Variants in ABCC12 observed in about 807,000 individuals in gnomAD.
ABCC12 encodes ATP binding cassette subfamily C member 12, also known as ATP-binding cassette sub-family C member 12.
Under a neutral mutation model 151.1 loss-of-function variants are expected in ABCC12, and 142 were observed. That is an observed-to-expected ratio of 0.94 (90% CI 0.82 to 1.08). ABCC12 has a LOEUF of 1.08. Among genes scored for constraint, ABCC12 ranks in the 50% least tolerant of loss-of-function variants. ABCC12 has a pLI of 0.00. For missense variants in ABCC12, 1,638 were observed against 1,691.1 expected (o/e 0.97, Z 0.55); for synonymous variants, 645 against 646.4 (o/e 1.00, Z 0.03).
intron 24 of ABCC12, among the ~76,000 whole-genome samples, chr16:48,095,683 T>G (rs1963071331): frequency 6.6e-6 from 1 of 151,000 alleles, no homozygotes; most frequent in Admixed American, 6.6e-5. Context: ...AAATTCAATA[T>G]TCAACTGACA....
chr16:48,151,486 T>C (rs867972957), intron 2 of ABCC12, among the ~76,000 whole-genome samples: 5 of 152,266 alleles, frequency 3.3e-5, no homozygotes, highest in Middle Eastern at 3.4e-3. Context: ...GGAAATCTAG[T>C]AAAGTATAAA....
At position 48,139,198 on chromosome 16, in the gene ABCC12, C is replaced by T. The variant is rs113496237; in HGVS notation, c.796G>A (p.Gly266Arg). 12 of 1,612,854 alleles carry T rather than the reference C, an allele frequency of 7.4e-6. No individual in the cohort carries two copies. The highest frequency in any genetic ancestry group is 5.3e-5 in the African/African-American group (4 of 74,792). ...ATGAATATGACATACACTGATATCC[C>T]GATGAGAGCTGTGGGCCCCAGAATG... The part of the protein sequence containing the change: ...FFILGPTALI[G>R]ISVYVIFIPV... The change falls in exon 7 of 31, where the codon GGG (glycine) becomes AGG (arginine). Residue 266 changes from glycine to arginine, a missense_variant. Gly to Arg is a moderately radical substitution (Grantham distance 125, BLOSUM62 -2). Coordinates refer to ENST00000311303, the MANE Select transcript of ABCC12 (RefSeq NM_001393797.1).
At chr16:48,120,570 T>G (rs1168285088) in intron 13 of ABCC12, among the ~76,000 whole-genome samples, 2 of 151,924 alleles carry the variant, frequency 1.3e-5, no homozygotes, top group African/African-American at 4.8e-5. Flanking sequence ...TTTTTTTTTT[T>G]TTTGAGAAGG....
chr16:48,127,727 A>G (rs1964286834), intron 11 of ABCC12, among the ~76,000 whole-genome samples: 1 of 152,164 alleles, frequency 6.6e-6, no homozygotes, highest in African/African-American at 2.4e-5. Context: ...CAAAATTATC[A>G]GTCATTATCA....
At chr16:48,126,442 C>G (rs895709617) in intron 11 of ABCC12, among the ~76,000 whole-genome samples, 16 of 152,152 alleles carry the variant, frequency 1.1e-4, no homozygotes, top group Non-Finnish European at 1.5e-5. Flanking sequence ...CATGGAGGAT[C>G]CAGTCTGATG....
rs368257926 is a variant in ABCC12 at position 48,083,926 on chromosome 16, C to T, written c.3976G>A (p.Val1326Ile). 12 of 1,612,612 alleles carry T rather than the reference C, an allele frequency of 7.4e-6. 1 individual carries two copies. The South Asian group carries it at 8.8e-5, about 12-fold the overall frequency. Residue 1326 changes from valine to isoleucine, a missense_variant, in exon 30 of 31, where the codon GTT becomes ATT. Physicochemically the swap from Val to Ile is conservative, Grantham distance 29 (BLOSUM62 3). Transcript: ENST00000311303. ...NTVLNCDHVL[V>I]MENGKVIEFD... ...TCCTATACCTTCCCATTTTCCATAA[C>T]CAGGACGTGATCGCAGTTGAGAACT...
At chr16:48,095,990 T>C (rs1963080386) in intron 24 of ABCC12, among the ~76,000 whole-genome samples, 1 of 152,218 alleles carries the variant, frequency 6.6e-6, no homozygotes, top group Non-Finnish European at 1.5e-5. Context: ...GCTGTTATGA[T>C]CTTGGGACAA....
chr16:48,091,367 T>A (rs1962887311), intron 24 of ABCC12, 158 bp from the exon 25 acceptor site: 8 of 663,248 alleles, frequency 1.2e-5, no homozygotes, highest in South Asian at 1.2e-4. Context: ...CGCCCAGAAG[T>A]AAAGATATTC....
chr16:48,085,674 T>G lies in ABCC12; in HGVS notation c.3747A>C (p.Glu1249Asp). 1 of 1,614,222 alleles carries G rather than the reference T, an allele frequency of 6.2e-7. No homozygotes were observed. Residue 1249 changes from glutamate to aspartate, a missense_variant, in exon 29 of 31, where the codon GAA (glutamate) becomes GAC (aspartate). Glu to Asp is a conservative substitution (Grantham distance 45). Transcript: ENST00000311303. ...IMKLPEKLQA[E>D]VTENGENFSV... Reference sequence around the variant, plus strand: ...AGAAGTTTTCTCCATTTTCTGTGACTTCTGCCTGTAATTTTTCTGGGAGTT... The same window carrying G: ...AGAAGTTTTCTCCATTTTCTGTGACGTCTGCCTGTAATTTTTCTGGGAGTT...
chr16:48,143,194 G>A (rs1170643675), intron 4 of ABCC12, among the ~76,000 whole-genome samples: 1 of 152,154 alleles, frequency 6.6e-6, no homozygotes, highest in Non-Finnish European at 1.5e-5. Flanking sequence ...TGGTCAAGTG[G>A]GGTCTGACCA....
At position 48,139,260 on chromosome 16, in the gene ABCC12, G is replaced by T; in HGVS notation, c.734C>A (p.Pro245Gln). 6.2e-7 allele frequency: 1 copy of T among 1,614,162 alleles called. No homozygotes were observed. Among genetic ancestry groups the T allele is most frequent in the Non-Finnish European group, 8.5e-7 (1 of 1,180,026 alleles). Reference sequence around the variant, plus strand: ...CGCCGCACAAAAGACCATTAGGATCGGGATGGTGGCTGGCAAAGGACAAAA... The same window carrying T: ...CGCCGCACAAAAGACCATTAGGATCTGGATGGTGGCTGGCAAAGGACAAAA... ...ALFCPLPATI[P>Q]ILMVFCAAYA... The change falls in exon 7 of 31, where the codon CCG (proline) becomes CAG (glutamine). Residue 245 changes from proline (P) to glutamine (Q), a missense_variant. Coordinates refer to ENST00000311303, the MANE Select transcript of ABCC12 (RefSeq NM_001393797.1).
At chr16:48,094,535 C>T (rs1437834132) in intron 24 of ABCC12, among the ~76,000 whole-genome samples, 1 of 152,188 alleles carries the variant, frequency 6.6e-6, no homozygotes, top group Non-Finnish European at 1.5e-5. Context: ...TGTATATAGA[C>T]AACCACTCCT....
At chr16:48,134,848 C>G (rs1237017854) in intron 8 of ABCC12, among the ~76,000 whole-genome samples, 1 of 152,062 alleles carries the variant, frequency 6.6e-6, no homozygotes, top group African/African-American at 2.4e-5. Context: ...GTCAGGAGAT[C>G]AAGACCATCC....
chr16:48,113,971 G>A (rs1039693464), intron 15 of ABCC12, among the ~76,000 whole-genome samples: 32 of 152,190 alleles, frequency 2.1e-4, no homozygotes, highest in Non-Finnish European at 4.3e-4. Context: ...TATTCCAGGT[G>A]CAGAGCTAGG....
In ABCC12 at chr16:48,105,201, A is replaced by T. The variant is rs1474639774; in HGVS notation, c.2611T>A (p.Phe871Ile). ...ATCAGTGTGGTCTTGGTGAAGACGA[A>T]GCCTTTGGTGACGCCAAACACCAGC... ...FMLVFGVTKG[F>I]VFTKTTLMAS... The change falls in exon 21 of 31, where the codon TTC becomes ATC. Residue 871 changes from phenylalanine (F) to isoleucine (I), a missense_variant. By Grantham distance (21) the Phe-to-Ile change is conservative (BLOSUM62 0). Coordinates refer to ENST00000311303, the MANE Select transcript of ABCC12 (RefSeq NM_001393797.1). The T allele has an allele frequency of 6.2e-7, 1 of 1,614,182 alleles. No individual in the cohort carries two copies. Among genetic ancestry groups the T allele is most frequent in the South Asian group, 1.1e-5 (1 of 91,076 alleles).
chr16:48,100,812 C>A (rs1963277053), intron 23 of ABCC12, 60 bp downstream of exon 23: 2 of 1,582,046 alleles, frequency 1.3e-6, no homozygotes, highest in African/African-American at 1.4e-5. Context: ...CCTGTGCACT[C>A]CCCATCGGAG....
chr16:48,145,712 C>T (rs74018278), intron 3 of ABCC12, among the ~76,000 whole-genome samples: 4,915 of 152,316 alleles, frequency 0.032, 247 homozygotes, highest in African/African-American at 0.11. Context: ...GTTGAGCACA[C>T]GCGGGGTCCA....
At chr16:48,101,051 G>T in intron 22 of ABCC12, 42 bp from the exon 23 acceptor site, 1 of 1,603,690 alleles carries the variant, frequency 6.2e-7, no homozygotes, top group Non-Finnish European at 8.5e-7. Context: ...CACAAAGTGA[G>T]GTCTCATCAG....
intron 5 of ABCC12, 121 bp from the exon 6 acceptor site, chr16:48,141,041 C>A: frequency 7.3e-7 from 1 of 1,379,308 alleles, no homozygotes. Flanking sequence ...ATTTTAGTGG[C>A]TGCTGCTGTG....
Sources: gnomAD v4.1 joint callset for allele counts (sites outside exome capture counted in the v4.1 genomes callset) on GRCh38, gnomAD v4.1.1 for gene constraint, MANE v1.5 for transcripts, NCBI Gene and HGNC (gene_info 2026-07-23, HGNC 2026-07-21) for gene names.